LUZP2: variants seen among roughly 807,000 people sequenced by gnomAD.
LUZP2 encodes the protein leucine zipper protein 2.
LUZP2 carries 52 observed loss-of-function variants against 51.6 expected under a neutral mutation model. That is an observed-to-expected ratio of 1.01 (90% CI 0.81 to 1.27). LUZP2 has a LOEUF of 1.27. Ranked by LOEUF, LUZP2 falls within the 50% of genes most tolerant of loss-of-function variation. LUZP2 has a pLI of 0.00. For missense variants in LUZP2, 436 were observed against 395.4 expected, an observed-to-expected ratio of 1.10 and a Z score of -0.87; for synonymous variants, 154 against 137.3, an observed-to-expected ratio of 1.12 and a Z score of -0.85.
intron 5 of LUZP2, among the ~76,000 whole-genome samples, chr11:24,889,773 T>C (rs934962698): frequency 2.6e-5 from 4 of 152,328 alleles, no homozygotes; most frequent in East Asian, 1.9e-4. Flanking sequence ...CATTTAGCTT[T>C]ACGGAAACAT....
chr11:24,963,491 C>T (rs1363901395), intron 7 of LUZP2, among the ~76,000 whole-genome samples: 10 of 152,174 alleles, frequency 6.6e-5, no homozygotes, highest in Admixed American at 3.3e-4. Context: ...CCCCCAGCCC[C>T]GCTGCTGCCT....
In LUZP2 at chr11:25,078,607, A is replaced by G; in HGVS notation, c.990A>G (p.Lys330=). Residue 330 remains lysine (K), a synonymous_variant, in exon 12 of 12, where the codon AAA becomes AAG. Coordinates refer to ENST00000336930, the MANE Select transcript of LUZP2 (RefSeq NM_001009909.4). ...SECEVKKAPE[K]PLTSFEGMAA... ...GTGAGGTGAAAAAAGCCCCAGAAAA[A>G]CCATTGACCAGCTTTGAAGGGATGG... The G allele has an allele frequency of 6.2e-7, 1 of 1,612,420 alleles. No individual in the cohort carries two copies. Among genetic ancestry groups the G allele is most frequent in the Non-Finnish European group, 8.5e-7 (1 of 1,179,644 alleles).
chr11:24,521,268 T>C (rs905912737), intron 1 of LUZP2, among the ~76,000 whole-genome samples: 2 of 146,504 alleles, frequency 1.4e-5, no homozygotes, highest in South Asian at 2.1e-4. Flanking sequence ...GGAGAATTGC[T>C]TGAACCTGGA....
intron 1 of LUZP2, among the ~76,000 whole-genome samples, chr11:24,715,608 T>C (rs931364565): frequency 2.6e-5 from 4 of 152,292 alleles, no homozygotes; most frequent in East Asian, 3.9e-4. Flanking sequence ...TATTTAATCA[T>C]CCTATGCGTC....
At chr11:24,721,143 C>T (rs1858254814) in intron 1 of LUZP2, among the ~76,000 whole-genome samples, 2 of 152,162 alleles carry the variant, frequency 1.3e-5, no homozygotes, top group South Asian at 4.1e-4. Flanking sequence ...TGGAGTGTCA[C>T]ATGACCAAAT....
chr11:24,616,785 C>T (rs563796548), intron 1 of LUZP2, among the ~76,000 whole-genome samples: 5 of 152,130 alleles, frequency 3.3e-5, no homozygotes, highest in Admixed American at 6.6e-5. Flanking sequence ...TTCTGGTTTA[C>T]ATCTCCTGCC....
chr11:24,747,257 T>C (rs111408969), intron 4 of LUZP2, among the ~76,000 whole-genome samples: 1 of 152,160 alleles, frequency 6.6e-6, no homozygotes, highest in African/African-American at 2.4e-5. Flanking sequence ...TGTGGTACTT[T>C]TCTCGTTTTC....
chr11:24,929,519 G>A (rs886468050), intron 7 of LUZP2, among the ~76,000 whole-genome samples: 1 of 152,024 alleles, frequency 6.6e-6, no homozygotes, highest in African/African-American at 2.4e-5. Context: ...CCTTGCAATT[G>A]TATGGTGTTG....
chr11:24,759,879 A>G (rs533796224), intron 4 of LUZP2, among the ~76,000 whole-genome samples: 1 of 152,312 alleles, frequency 6.6e-6, no homozygotes, highest in South Asian at 2.1e-4. Context: ...ACCAAGGTTA[A>G]GGACATGTCA....
intron 7 of LUZP2, among the ~76,000 whole-genome samples, chr11:24,930,735 T>A (rs1854420795): frequency 1.3e-5 from 2 of 152,188 alleles, no homozygotes; most frequent in Non-Finnish European, 2.9e-5. Context: ...GTTTCCCAGG[T>A]GTTCTTTGAG....
In LUZP2 at chr11:24,878,116, T is replaced by G. The variant is rs1565039803; in HGVS notation, c.397-27875T>G. On this transcript the variant is annotated intron_variant, in intron 5 of 11. Coordinates refer to ENST00000336930, the MANE Select transcript of LUZP2 (RefSeq NM_001009909.4). ...ATATTCTGTGTTTTTTTTTTTTTTT[T>G]TGGTGAACTTACAATTACCAGTAAG... Among the ~76,000 whole-genome samples the G allele has an allele frequency of 3.8e-5, 5 of 132,452 alleles. No individual in the cohort carries two copies. In the South Asian group the frequency reaches 6.6e-4, roughly 18 times the overall value. 86.9% of individuals were successfully genotyped at this position (132,452 alleles called of 152,430 possible). A position where few individuals can be genotyped will look rare whatever the true frequency, so the allele number is the denominator to read the frequency against.
intron 1 of LUZP2, among the ~76,000 whole-genome samples, chr11:24,516,879 A>G (rs1216823325): frequency 1.3e-5 from 2 of 152,184 alleles, no homozygotes; most frequent in African/African-American, 4.8e-5. Context: ...CCTTAAGGCT[A>G]TAAAATTTAG....
chr11:24,996,889 A>G (rs2133935264), intron 9 of LUZP2, among the ~76,000 whole-genome samples: 1 of 151,208 alleles, frequency 6.6e-6, no homozygotes, highest in East Asian at 2.0e-4. Context: ...TGTTCTTGCG[A>G]TAGTTTACTG....
At chr11:24,913,872 C>T (rs1206666924) in intron 6 of LUZP2, among the ~76,000 whole-genome samples, 1 of 152,008 alleles carries the variant, frequency 6.6e-6, no homozygotes. Context: ...AACTCTGTGA[C>T]TTAAGGGACC....
intron 4 of LUZP2, among the ~76,000 whole-genome samples, chr11:24,759,213 G>A (rs1229010166): frequency 1.3e-5 from 2 of 152,058 alleles, no homozygotes; most frequent in East Asian, 1.9e-4. Context: ...GACATAATTA[G>A]TCTAAAGCAA....
At chr11:24,844,250 G>T (rs979047899) in intron 5 of LUZP2, among the ~76,000 whole-genome samples, 1 of 152,184 alleles carries the variant, frequency 6.6e-6, no homozygotes. Context: ...AGAGGAACTT[G>T]TTGGGAACTG....
chr11:24,773,036 A>G (rs11822161), intron 5 of LUZP2, among the ~76,000 whole-genome samples: 12,125 of 149,494 alleles, frequency 0.081, 1,047 homozygotes, highest in African/African-American at 0.22. Flanking sequence ...CTATTAAACC[A>G]CTCCACCATC....
chr11:24,651,672 A>C (rs1373645930), intron 1 of LUZP2, among the ~76,000 whole-genome samples: 1 of 151,922 alleles, frequency 6.6e-6, no homozygotes, highest in Non-Finnish European at 1.5e-5. Flanking sequence ...TATTTGGTCA[A>C]ACATTTTTCT....
chr11:25,065,915 T>G (rs1399690955), intron 10 of LUZP2, among the ~76,000 whole-genome samples: 1 of 152,076 alleles, frequency 6.6e-6, no homozygotes, highest in Non-Finnish European at 1.5e-5. Flanking sequence ...ACACATCTTA[T>G]TTGTTTAACA....
Sources: allele counts gnomAD v4.1 joint callset (sites outside exome capture counted in the v4.1 genomes callset), GRCh38; gene constraint gnomAD v4.1.1; transcripts MANE v1.5; gene names NCBI Gene and HGNC (gene_info 2026-07-23, HGNC 2026-07-21).